ENTHD1: variants seen among roughly 807,000 people sequenced by gnomAD.
The protein encoded by ENTHD1 is ENTH domain containing 1.
Under a neutral mutation model 39.1 loss-of-function variants are expected in ENTHD1, and 23 were observed. That is an observed-to-expected ratio of 0.59 (90% confidence interval 0.42 to 0.83). ENTHD1 has a LOEUF of 0.83. Ranked by LOEUF, ENTHD1 falls within the 40% of genes least tolerant of loss-of-function variation. ENTHD1 has a pLI of 0.00. For synonymous variants in ENTHD1, 230 were observed against 258.2 expected (o/e 0.89, Z 1.05); for missense variants, 624 against 705.4 (o/e 0.88, Z 1.31).
chr22:39,746,166 G>A (rs1010236804), intron 6 of ENTHD1, among the ~76,000 whole-genome samples: 2 of 152,042 alleles, frequency 1.3e-5, no homozygotes, highest in African/African-American at 4.8e-5. Context: ...TCTTGGACTA[G>A]TCTTCTAATT....
At chr22:39,838,132 A>G (rs2146680426) in intron 3 of ENTHD1, among the ~76,000 whole-genome samples, 1 of 152,354 alleles carries the variant, frequency 6.6e-6, no homozygotes, top group African/African-American at 2.4e-5. Context: ...ACTGCAATTA[A>G]TATTTTAATT....
intron 2 of ENTHD1, chr22:39,876,206 T>G: frequency 7.5e-7 from 1 of 1,330,824 alleles, no homozygotes; most frequent in Middle Eastern, 2.3e-4. Flanking sequence ...TGAAGTTGAT[T>G]TGAAATATGT....
chr22:39,888,481 G>A lies in ENTHD1; in HGVS notation c.-155-578C>T, dbSNP rs573844208. On this transcript the variant is annotated intron_variant, in intron 1 of 6. Transcript: ENST00000325157. ...CTCCCTCTGTTGCCCAGGCTGGAGT[G>A]CAGTGGTGCGATCTTGGCTCACTGC... Among the ~76,000 whole-genome samples, 6 of 151,622 alleles carry A rather than the reference G, an allele frequency of 4.0e-5. No homozygotes were observed. In the East Asian group the frequency reaches 1.2e-3, roughly 29 times the overall value.
chr22:39,768,968 A>C (rs1218374522), intron 5 of ENTHD1, among the ~76,000 whole-genome samples: 1 of 151,742 alleles, frequency 6.6e-6, no homozygotes, highest in Non-Finnish European at 1.5e-5. Flanking sequence ...GATTATGTAT[A>C]TATAGATAGA....
At chr22:39,785,370 T>C (rs1469765237) in intron 5 of ENTHD1, among the ~76,000 whole-genome samples, 1 of 152,234 alleles carries the variant, frequency 6.6e-6, no homozygotes, top group Non-Finnish European at 1.5e-5. Context: ...TGCTCTCTCA[T>C]CTTGGGCAGC....
intron 6 of ENTHD1, among the ~76,000 whole-genome samples, chr22:39,754,040 C>T (rs2065166596): frequency 6.6e-6 from 1 of 152,162 alleles, no homozygotes; most frequent in African/African-American, 2.4e-5. Context: ...GCCATGTATT[C>T]TGCCTTACCT....
intron 5 of ENTHD1, among the ~76,000 whole-genome samples, chr22:39,769,928 A>G (rs760308764): frequency 6.6e-6 from 1 of 152,216 alleles, no homozygotes; most frequent in Non-Finnish European, 1.5e-5. Flanking sequence ...TTCTCACAAC[A>G]TAACTCCAGA....
intron 5 of ENTHD1, among the ~76,000 whole-genome samples, chr22:39,784,389 C>T (rs528381253): frequency 2.6e-4 from 40 of 152,232 alleles, no homozygotes; most frequent in South Asian, 1.5e-3. Context: ...AGCAATTCTA[C>T]TACTGAGTAT....
rs771522264 is a variant in ENTHD1 at position 39,744,047 on chromosome 22, C to T, written c.1456G>A (p.Asp486Asn). Residue 486 changes from aspartate to asparagine, a missense_variant, in exon 7 of 7, where the codon GAT becomes AAT. By Grantham distance (23) the Asp-to-Asn change is conservative (BLOSUM62 1). Transcript: ENST00000325157. ...AGAATTCCCAGTAGATTGAGGCTAT[C>T]ATTTTCCTCTACATCAGAAGACACT... ...GPVSSDVEEN[D>N]SLNLLGILPN... 21 of 1,614,134 alleles carry T rather than the reference C, an allele frequency of 1.3e-5. No individual in the cohort carries two copies. Among genetic ancestry groups the T allele is most frequent in the Non-Finnish European group, 1.8e-5 (21 of 1,180,004 alleles).
intron 5 of ENTHD1, among the ~76,000 whole-genome samples, chr22:39,807,809 T>C (rs1485853880): frequency 6.6e-6 from 1 of 152,112 alleles, no homozygotes; most frequent in Non-Finnish European, 1.5e-5. Context: ...TAGATCAGAG[T>C]ACACTGTCAA....
chr22:39,753,981 A>G (rs1048505401), intron 6 of ENTHD1, among the ~76,000 whole-genome samples: 3 of 152,122 alleles, frequency 2.0e-5, no homozygotes, highest in African/African-American at 7.2e-5. Flanking sequence ...TAACCAGTCT[A>G]GATCCCCATT....
intron 2 of ENTHD1, among the ~76,000 whole-genome samples, chr22:39,886,419 T>A (rs1195242058): frequency 6.6e-6 from 1 of 152,156 alleles, no homozygotes; most frequent in East Asian, 1.9e-4. Flanking sequence ...CAATAATGTA[T>A]CAGCATTTGT....
intron 5 of ENTHD1, among the ~76,000 whole-genome samples, chr22:39,781,378 A>G (rs1401932009): frequency 6.6e-6 from 1 of 152,180 alleles, no homozygotes; most frequent in Non-Finnish European, 1.5e-5. Flanking sequence ...TCACAAACAC[A>G]TGGAAATTAA....
rs187117812 is a variant in ENTHD1, at chr22:39,843,767, C to T, written c.593-7809G>A. Among the ~76,000 whole-genome samples the T allele has an allele frequency of 1.9e-4, 29 of 152,236 alleles. No homozygotes were observed. The East Asian group carries it at 5.6e-3, about 29-fold the overall frequency. ...GCTGGAATGGCTCTTCACAGTTGTC[C>T]TGCCTTGATGTAGGATTCCTTAGCT... On this transcript the variant is annotated intron_variant, in intron 3 of 6. Transcript: ENST00000325157.
chr22:39,823,661 A>G (rs976156344), intron 4 of ENTHD1, among the ~76,000 whole-genome samples: 2 of 152,154 alleles, frequency 1.3e-5, no homozygotes, highest in Non-Finnish European at 1.5e-5. Context: ...CTAGATGTTC[A>G]TATCTCTGGT....
chr22:39,791,084 G>T (rs927783986), intron 5 of ENTHD1, among the ~76,000 whole-genome samples: 5 of 151,340 alleles, frequency 3.3e-5, no homozygotes, highest in African/African-American at 1.2e-4. Context: ...TATTTTATTA[G>T]TAGTATCCAC....
At chr22:39,783,988 G>T (rs529532401) in intron 5 of ENTHD1, among the ~76,000 whole-genome samples, 3 of 152,078 alleles carry the variant, frequency 2.0e-5, no homozygotes, top group Non-Finnish European at 4.4e-5. Context: ...CAAAATATTT[G>T]CAAACTACCC....
chr22:39,832,624 T>C (rs2065877601), intron 4 of ENTHD1, among the ~76,000 whole-genome samples: 1 of 152,188 alleles, frequency 6.6e-6, no homozygotes, highest in Non-Finnish European at 1.5e-5. Context: ...ATACTATGTC[T>C]GAGAAGGTCG....
chr22:39,869,963 T>G (rs2066226866), intron 2 of ENTHD1, among the ~76,000 whole-genome samples: 1 of 151,176 alleles, frequency 6.6e-6, no homozygotes, highest in Non-Finnish European at 1.5e-5. Flanking sequence ...GAAGATAGAT[T>G]TGGTAATTGG....
Sources: gnomAD v4.1 joint callset for allele counts (sites outside exome capture counted in the v4.1 genomes callset) on GRCh38, gnomAD v4.1.1 for gene constraint, MANE v1.5 for transcripts, NCBI Gene and HGNC (gene_info 2026-07-23, HGNC 2026-07-21) for gene names.